DLC1: variants seen among roughly 807,000 people sequenced by gnomAD.
DLC1 encodes the protein rho GTPase-activating protein 7.
In DLC1, 54 loss-of-function variants were observed where a neutral mutation model predicts 140.3. That is an observed-to-expected ratio of 0.38 (90% CI 0.31 to 0.48). The LOEUF is 0.48. DLC1 is among the 20% of genes least tolerant of loss of function. The probability of loss-of-function intolerance (pLI) is 0.96; values close to 1 mark genes in which losing one functional copy is unlikely to be tolerated. For synonymous variants in DLC1, 986 were observed against 728.1 expected, an observed-to-expected ratio of 1.35 and a Z score of -5.70; for missense variants, 2,536 against 1,907.0, an observed-to-expected ratio of 1.33 and a Z score of -6.14.
At chr8:13,281,274 ATCT>A (rs1831356640) in intron 5 of DLC1, among the ~76,000 whole-genome samples, 1 of 152,214 alleles carries the variant, frequency 6.6e-6, no homozygotes, top group African/African-American at 2.4e-5. Flanking sequence ...TTGGGTGAGA[ATCT>A]TCTTTGTGAT....
At chr8:13,119,871 C>G (rs535886105) in intron 5 of DLC1, among the ~76,000 whole-genome samples, 130 of 150,416 alleles carry the variant, frequency 8.6e-4, no homozygotes, top group African/African-American at 3.1e-3. Flanking sequence ...TGCTTGGGCC[C>G]AGGACTTCAA....
chr8:13,278,006 A>G (rs956965027), intron 5 of DLC1, among the ~76,000 whole-genome samples: 1 of 152,256 alleles, frequency 6.6e-6, no homozygotes, highest in African/African-American at 2.4e-5. Flanking sequence ...GATTGTGCTC[A>G]TGAATTATAA....
intron 5 of DLC1, among the ~76,000 whole-genome samples, chr8:13,153,779 C>G (rs549043106): frequency 1.3e-5 from 2 of 150,456 alleles, no homozygotes; most frequent in Non-Finnish European, 3.0e-5. Context: ...CACAGAATGC[C>G]GATCGGTGCG....
intron 2 of DLC1, among the ~76,000 whole-genome samples, chr8:13,403,523 C>T (rs183759033): frequency 2.0e-5 from 3 of 152,284 alleles, no homozygotes; most frequent in East Asian, 3.9e-4. Flanking sequence ...TTAAAGGTTG[C>T]TATAAAGTGG....
rs560685069 is a variant in DLC1, at chr8:13,436,363, A to G, written c.1024-34744T>C. Among the ~76,000 whole-genome samples the G allele has an allele frequency of 8.1e-4, 124 of 152,336 alleles. 1 individual carries two copies. Among genetic ancestry groups the G allele is most frequent in the Non-Finnish European group, 1.3e-3 (88 of 68,028 alleles). ...AGGTTTTACACTTTTCTCGAAAATGACATCATATCAAATTTTACTGTCCAG... is the reference window on the plus strand; with the variant it reads ...AGGTTTTACACTTTTCTCGAAAATGGCATCATATCAAATTTTACTGTCCAG... On this transcript the variant is annotated intron_variant, in intron 2 of 17. Coordinates refer to ENST00000276297, the MANE Select transcript of DLC1 (RefSeq NM_182643.3).
intron 5 of DLC1, among the ~76,000 whole-genome samples, chr8:13,247,527 G>T (rs752843293): frequency 6.6e-6 from 1 of 152,036 alleles, no homozygotes; most frequent in Non-Finnish European, 1.5e-5. Flanking sequence ...CCATTTTACA[G>T]GTGAGGACAC....
chr8:13,094,665 CAA>C (rs5889417), intron 12 of DLC1, 92 bp downstream of exon 12: 5,847 of 1,155,474 alleles, frequency 5.1e-3, no homozygotes, highest in Admixed American at 5.8e-3. Context: ...GACTCCATCT[CAA>C]AAAAAAAAAG....
chr8:13,346,158 G>T (rs1834325965), intron 4 of DLC1, among the ~76,000 whole-genome samples: 1 of 152,136 alleles, frequency 6.6e-6, no homozygotes, highest in Non-Finnish European at 1.5e-5. Context: ...TTTGCACTTT[G>T]GGATTAGATA....
intron 1 of DLC1, among the ~76,000 whole-genome samples, chr8:13,561,756 T>C (rs1434721385): frequency 6.6e-6 from 1 of 152,194 alleles, no homozygotes; most frequent in African/African-American, 2.4e-5. Flanking sequence ...ATTACAGAAC[T>C]ATGATAAATT....
rs74501111 is a variant in DLC1, at chr8:13,122,437, G to A, written c.1349-6780C>T. On this transcript the variant is annotated intron_variant, in intron 5 of 17. Coordinates refer to ENST00000276297, the MANE Select transcript of DLC1 (RefSeq NM_182643.3). ...ACTTTTTAATTCATTTGTATATCCCGAAAGACAACTTTTTGCACAAAGGAA... is the reference window on the plus strand; with the variant it reads ...ACTTTTTAATTCATTTGTATATCCCAAAAGACAACTTTTTGCACAAAGGAA... Among the ~76,000 whole-genome samples the A allele has an allele frequency of 4.3e-3, 658 of 151,838 alleles. 4 individuals carry two copies. Among genetic ancestry groups the A allele is most frequent in the African/African-American group, 0.015 (616 of 41,362 alleles).
chr8:13,586,000 G>A (rs747003501), intron 1 of DLC1, among the ~76,000 whole-genome samples: 6 of 152,154 alleles, frequency 3.9e-5, no homozygotes, highest in Non-Finnish European at 7.3e-5. Context: ...TCATTGTAGA[G>A]TTATAGCTGA....
intron 2 of DLC1, among the ~76,000 whole-genome samples, chr8:13,463,814 T>C (rs1799796284): frequency 6.6e-6 from 1 of 152,154 alleles, no homozygotes; most frequent in Non-Finnish European, 1.5e-5. Flanking sequence ...GAGTTTCTGT[T>C]AGGGAAAGAG....
chr8:13,193,224 G>C (rs1826860499), intron 5 of DLC1, among the ~76,000 whole-genome samples: 1 of 152,100 alleles, frequency 6.6e-6, no homozygotes, highest in Non-Finnish European at 1.5e-5. Flanking sequence ...TTATCCTGTT[G>C]TGTTAGTTTG....
intron 8 of DLC1, among the ~76,000 whole-genome samples, chr8:13,102,563 G>A (rs1473614990): frequency 1.3e-5 from 2 of 152,192 alleles, no homozygotes. Flanking sequence ...AATAATAGCT[G>A]ATGTGATCAG....
At chr8:13,089,120 G>A (rs1048353566) in intron 15 of DLC1, among the ~76,000 whole-genome samples, 3 of 152,056 alleles carry the variant, frequency 2.0e-5, no homozygotes, top group East Asian at 1.9e-4. Context: ...TTAGCCAGGC[G>A]TGGTGGCAGG....
intron 5 of DLC1, among the ~76,000 whole-genome samples, chr8:13,287,992 G>A (rs188631113): frequency 4.3e-4 from 65 of 151,694 alleles, no homozygotes; most frequent in Non-Finnish European, 7.2e-4. Flanking sequence ...AAATTCATAC[G>A]TTATCTTTAT....
chr8:13,484,604 T>C (rs939652730), intron 2 of DLC1, among the ~76,000 whole-genome samples: 2 of 152,104 alleles, frequency 1.3e-5, no homozygotes, highest in African/African-American at 2.4e-5. Context: ...TGGTTACAAC[T>C]CATTCTTGAT....
intron 7 of DLC1, among the ~76,000 whole-genome samples, chr8:13,106,036 G>A (rs1225060433): frequency 6.6e-6 from 1 of 152,204 alleles, no homozygotes; most frequent in Non-Finnish European, 1.5e-5. Context: ...CCCAGGCTGG[G>A]CTCCACAGGA....
chr8:13,589,617 G>A (rs1461878781), intron 1 of DLC1, among the ~76,000 whole-genome samples: 1 of 151,212 alleles, frequency 6.6e-6, no homozygotes, highest in Non-Finnish European at 1.5e-5. Context: ...ATGTTGCTTA[G>A]CTATTTACAC....
Sources: allele counts gnomAD v4.1 joint callset (sites outside exome capture counted in the v4.1 genomes callset), GRCh38; gene constraint gnomAD v4.1.1; transcripts MANE v1.5; gene names NCBI Gene and HGNC (gene_info 2026-07-23, HGNC 2026-07-21).